OSMR: variants seen among roughly 807,000 people sequenced by gnomAD.
OSMR encodes the protein oncostatin-M-specific receptor subunit beta.
A neutral mutation model predicts 99.9 loss-of-function variants in OSMR; 81 were observed. The observed-to-expected ratio is 0.81, with a 90% confidence interval of 0.68 to 0.97. The LOEUF is 0.97. OSMR is among the 50% of genes least tolerant of loss of function. The pLI is 0.00. For synonymous variants in OSMR, 406 were observed against 410.4 expected, an observed-to-expected ratio of 0.99 and a Z score of 0.13; for missense variants, 1,099 against 1,153.4, an observed-to-expected ratio of 0.95 and a Z score of 0.68.
chr5:38,911,534 T>G (rs74520511), intron 9 of OSMR, among the ~76,000 whole-genome samples: 2 of 152,008 alleles, frequency 1.3e-5, no homozygotes, highest in Non-Finnish European at 2.9e-5. Context: ...AAAAACTGAG[T>G]TGGGGGACTC....
chr5:38,889,103 A>G (rs959871357), intron 7 of OSMR, among the ~76,000 whole-genome samples: 4 of 151,164 alleles, frequency 2.6e-5, no homozygotes, highest in African/African-American at 9.7e-5. Flanking sequence ...TGCCCAGAGG[A>G]TTTTTTTCTT....
At chr5:38,862,736 G>A (rs1741555408) in intron 1 of OSMR, among the ~76,000 whole-genome samples, 1 of 151,574 alleles carries the variant, frequency 6.6e-6, no homozygotes, top group African/African-American at 2.4e-5. Flanking sequence ...GCCGGGAAGA[G>A]GCGCTCCTCA....
At chr5:38,911,075 C>T (rs1745546329) in intron 9 of OSMR, among the ~76,000 whole-genome samples, 1 of 151,920 alleles carries the variant, frequency 6.6e-6, no homozygotes, top group Non-Finnish European at 1.5e-5. Context: ...TGTCAGAAGA[C>T]AAGAAATAAC....
At chr5:38,850,277 T>C (rs565271206) in intron 1 of OSMR, among the ~76,000 whole-genome samples, 82 of 152,352 alleles carry the variant, frequency 5.4e-4, no homozygotes, top group African/African-American at 1.9e-3. Flanking sequence ...TATTTAAATT[T>C]ATGCTGCTAG....
chr5:38,902,437 A>C (rs1201297287), intron 7 of OSMR, among the ~76,000 whole-genome samples: 1 of 152,224 alleles, frequency 6.6e-6, no homozygotes, highest in East Asian at 1.9e-4. Context: ...ATCTTGGGTC[A>C]CTATGTTTGT....
At chr5:38,909,000 C>T (rs1394036471) in intron 9 of OSMR, among the ~76,000 whole-genome samples, 1 of 152,062 alleles carries the variant, frequency 6.6e-6, no homozygotes, top group Non-Finnish European at 1.5e-5. Context: ...AGTGAAAACC[C>T]AATCCGAGGA....
intron 17 of OSMR, 91 bp from the exon 18 acceptor site, chr5:38,932,781 C>A: frequency 6.3e-7 from 1 of 1,577,670 alleles, no homozygotes; most frequent in South Asian, 1.2e-5. Context: ...AACATTGAAG[C>A]TCTAAGTGTA....
intron 15 of OSMR, among the ~76,000 whole-genome samples, chr5:38,927,201 C>A (rs1163834847): frequency 6.6e-6 from 1 of 152,192 alleles, no homozygotes; most frequent in Non-Finnish European, 1.5e-5. Context: ...TTTCTAGGCA[C>A]ATGGTGCAAG....
At chr5:38,937,847 G>A (rs186445093), downstream of OSMR, 331 of 171,666 alleles carry the variant, frequency 1.9e-3, no homozygotes, top group African/African-American at 7.4e-3. This position sits in a 1 kb window ranked among gnomAD's most constrained non-coding sequence, Gnocchi z 4.0. Context: ...TGTCAGCATC[G>A]GCATTACAGG....
intron 15 of OSMR, among the ~76,000 whole-genome samples, chr5:38,931,538 C>G (rs1178123290): frequency 6.6e-6 from 1 of 152,048 alleles, no homozygotes; most frequent in African/African-American, 2.4e-5. Flanking sequence ...CATGGCTGAG[C>G]CCCAAGTCAA....
At position 38,881,760 on chromosome 5, in the gene OSMR, C is replaced by T. The variant is rs1007071945; in HGVS notation, c.414C>T (p.Val138=). 4 of 1,613,592 alleles carry T rather than the reference C, an allele frequency of 2.5e-6. No homozygotes were observed. The highest frequency in any genetic ancestry group is 2.2e-5 in the East Asian group (1 of 44,866). ...FWSNWSSWEE[V]SVQDSTGQDI... ...GCAACTGGAGTTCCTGGGAGGAAGT[C>T]AGTGGTAAGAAGTGAGGTGGTTACA... is the stretch of plus-strand genomic sequence containing the variant. Residue 138 remains valine (V), a synonymous_variant, in exon 4 of 18, where the codon GTC becomes GTT. Transcript: ENST00000274276.
At chr5:38,902,386 C>T (rs1207875328) in intron 7 of OSMR, among the ~76,000 whole-genome samples, 1 of 152,184 alleles carries the variant, frequency 6.6e-6, no homozygotes, top group East Asian at 1.9e-4. Flanking sequence ...GTCTCTGGCA[C>T]CTAAAATGGC....
chr5:38,897,193 C>T (rs1744578862), intron 7 of OSMR, among the ~76,000 whole-genome samples: 1 of 151,978 alleles, frequency 6.6e-6, no homozygotes, highest in Admixed American at 6.6e-5. Flanking sequence ...TTCCCTCCTC[C>T]TCTGTTTTTC....
At chr5:38,897,983 A>G (rs1744629573) in intron 7 of OSMR, among the ~76,000 whole-genome samples, 3 of 152,104 alleles carry the variant, frequency 2.0e-5, no homozygotes, top group South Asian at 2.1e-4. Context: ...TATTATTTCA[A>G]TTTTTAAAAC....
chr5:38,876,366 T>C lies in OSMR; in HGVS notation c.239T>C (p.Ile80Thr). ...QISRIETSNV[I>T]WVGNYSTTVK... ...AGTAGGATTGAAACATCCAATGTCA[T>C]CTGGGTGGTAAGTAATTTTTTTGGC... The change falls in exon 3 of 18, where the codon ATC (isoleucine) becomes ACC (threonine). Residue 80 changes from isoleucine to threonine, a missense_variant. Physicochemically the swap from Ile to Thr is moderately conservative, Grantham distance 89. Transcript: ENST00000274276. 3.7e-6 allele frequency: 6 copies of C among 1,612,700 alleles called. No homozygotes were observed. Among genetic ancestry groups the C allele is most frequent in the Non-Finnish European group, 5.1e-6 (6 of 1,179,114 alleles).
chr5:38,916,394 T>C (rs912300390), intron 9 of OSMR, among the ~76,000 whole-genome samples: 9 of 152,242 alleles, frequency 5.9e-5, no homozygotes, highest in Non-Finnish European at 7.3e-5. Flanking sequence ...GCTTCACTTT[T>C]ACTTTCACCT....
intron 1 of OSMR, among the ~76,000 whole-genome samples, chr5:38,857,459 G>A (rs199773594): frequency 8.2e-5 from 6 of 73,058 alleles, no homozygotes; most frequent in Non-Finnish European, 1.8e-4. Context: ...GTTTTCCCCC[G>A]GCTTTAATAT....
At chr5:38,925,109 A>G in intron 14 of OSMR, 95 bp from the exon 15 acceptor site, 1 of 1,567,572 alleles carries the variant, frequency 6.4e-7, no homozygotes, top group Non-Finnish European at 8.6e-7. Context: ...TGAGTTAACA[A>G]GAGCATTAGT....
intron 1 of OSMR, among the ~76,000 whole-genome samples, chr5:38,855,521 G>T (rs1003209753): frequency 1.3e-5 from 2 of 152,106 alleles, no homozygotes; most frequent in Non-Finnish European, 2.9e-5. Flanking sequence ...TCTTCGAGGG[G>T]CTCTGGTCAA....
Sources: allele counts gnomAD v4.1 joint callset (sites outside exome capture counted in the v4.1 genomes callset), GRCh38; gene constraint gnomAD v4.1.1; non-coding constraint Gnocchi (gnomAD v3.1); transcripts MANE v1.5; gene names NCBI Gene and HGNC (gene_info 2026-07-23, HGNC 2026-07-21).